Variants in ENY2 observed in about 807,000 individuals in gnomAD.
ENY2 encodes the protein ENY2 transcription and export complex 2 subunit.
A neutral mutation model predicts 15.9 loss-of-function variants in ENY2; 4 were observed. That is an observed-to-expected ratio of 0.25 (90% CI 0.12 to 0.57). ENY2 has a LOEUF of 0.57. Among genes scored for constraint, ENY2 ranks in the 20% least tolerant of loss-of-function variants. ENY2 has a pLI of 0.91. For missense variants in ENY2, 54 were observed against 117.2 expected (o/e 0.46, Z 2.49); for synonymous variants, 48 against 38.0 (o/e 1.26, Z -0.97).
Position 109,336,199 on chromosome 8 carries a change from A to G in ENY2, c.78A>G (p.Arg26=), listed in dbSNP as rs1425645647. Reference sequence around the variant, plus strand: ...AAAAGTTGATAGAAACTGGAGAAAGAGAACGGTAAGTAATAGATTGTGTTA... The same window carrying G: ...AAAAGTTGATAGAAACTGGAGAAAGGGAACGGTAAGTAATAGATTGTGTTA... ...INQKLIETGE[R]ERLKELLRAK... Residue 26 remains arginine (R), a synonymous_variant, in exon 2 of 5, where the codon AGA becomes AGG. Coordinates refer to ENST00000521688, the MANE Select transcript of ENY2 (RefSeq NM_020189.6). 6.2e-7 allele frequency: 1 copy of G among 1,612,124 alleles called. No individual in the cohort carries two copies. Among genetic ancestry groups the G allele is most frequent in the Non-Finnish European group, 8.5e-7 (1 of 1,178,564 alleles).
intron 4 of ENY2, chr8:109,342,775 A>G (rs1444766236): frequency 1.2e-5 from 8 of 694,656 alleles, no homozygotes; most frequent in Non-Finnish European, 2.1e-5. Context: ...GACTGCTGGG[A>G]TGACAGGCGT....
chr8:109,339,086 C>G, intron 2 of ENY2: 1 of 546,090 alleles, frequency 1.8e-6, no homozygotes, highest in South Asian at 2.4e-5. Context: ...TTAGCCCCTC[C>G]ACTTCATTTA....
At position 109,343,917 on chromosome 8, in the gene ENY2, C is replaced by CT. The variant is rs1475952173; in HGVS notation, c.*439dup. ...TTGTCTTATTCGTATTGTTTATAAA[C>CT]TTTGAGGGTTAGGACTGGGTCTTAC... is the stretch of plus-strand genomic sequence containing the variant. On this transcript the variant is annotated 3_prime_UTR_variant, in exon 5 of 5. Coordinates refer to ENST00000521688, the MANE Select transcript of ENY2 (RefSeq NM_020189.6). The CT allele has an allele frequency of 6.5e-6, 1 of 153,128 alleles. No homozygotes were observed. The highest frequency in any genetic ancestry group is 1.5e-5 in the Non-Finnish European group (1 of 68,780). 9.5% of individuals were successfully genotyped at this position (153,128 alleles called of 1,614,324 possible). A position where few individuals can be genotyped will look rare whatever the true frequency, so the allele number is the denominator to read the frequency against.
intron 2 of ENY2, among the ~76,000 whole-genome samples, chr8:109,337,856 G>A (rs1452594452): frequency 6.6e-6 from 1 of 151,754 alleles, no homozygotes; most frequent in Admixed American, 6.6e-5. Flanking sequence ...CTGAGATCGC[G>A]CCACTTCACT....
intron 4 of ENY2, 75 bp from the exon 5 acceptor site, chr8:109,343,330 C>A (rs1034047300): frequency 1.4e-5 from 17 of 1,205,494 alleles, no homozygotes; most frequent in East Asian, 4.8e-5. Flanking sequence ...TTACCCTGAG[C>A]AAAATGTCAG....
chr8:109,341,540 C>G (rs992201387), intron 4 of ENY2, among the ~76,000 whole-genome samples: 2 of 152,046 alleles, frequency 1.3e-5, no homozygotes, highest in Non-Finnish European at 2.9e-5. Flanking sequence ...CTGTGACTTA[C>G]ACTTATTCTG....
intron 3 of ENY2, among the ~76,000 whole-genome samples, chr8:109,339,977 A>G (rs958506693): frequency 2.0e-5 from 3 of 152,200 alleles, no homozygotes; most frequent in East Asian, 1.9e-4. Flanking sequence ...TAAGAAGGCA[A>G]TGTGACAAAT....
At position 109,345,142 on chromosome 8, in the gene ENY2, A is replaced by G. The variant is rs1190611117; in HGVS notation, c.*1661A>G. 4 of 152,180 alleles carry G rather than the reference A, an allele frequency of 2.6e-5. No individual in the cohort carries two copies. The highest frequency in any genetic ancestry group is 5.9e-5 in the Non-Finnish European group (4 of 68,040). 9.4% of individuals were successfully genotyped at this position (152,180 alleles called of 1,614,324 possible). A position where few individuals can be genotyped will look rare whatever the true frequency, so the allele number is the denominator to read the frequency against. ...GCTTTAGTTGCTAAAACATTCAGAC[A>G]TCCCTCTGACTTAGATCCCCCACTA... On this transcript the variant is annotated 3_prime_UTR_variant, in exon 5 of 5. Transcript: ENST00000521688.
At position 109,344,098 on chromosome 8, in the gene ENY2, A is replaced by C. The variant is rs1346475139; in HGVS notation, c.*617A>C. ...AATTGCAACCCCACATACTAAGGTC[A>C]AGAAAGAACTTAATGGGAATTAATC... On this transcript the variant is annotated 3_prime_UTR_variant, in exon 5 of 5. Transcript: ENST00000521688. 6.6e-6 allele frequency: 1 copy of C among 152,270 alleles called. No individual in the cohort carries two copies. Among genetic ancestry groups the C allele is most frequent in the Admixed American group, 6.5e-5 (1 of 15,288 alleles). The allele number at this position is 152,270 out of a possible 1,614,324, so 9.4% of individuals were successfully genotyped here. A position where few individuals can be genotyped will look rare whatever the true frequency, so the allele number is the denominator to read the frequency against.
chr8:109,340,667 C>T, intron 4 of ENY2, 104 bp downstream of exon 4: 1 of 1,426,242 alleles, frequency 7.0e-7, no homozygotes, highest in Admixed American at 2.1e-5. Context: ...AAAAGCACTA[C>T]CTGTGTTGCC....
intron 2 of ENY2, 48 bp from the exon 3 acceptor site, chr8:109,339,272 C>CT (rs1198082449): frequency 7.1e-6 from 11 of 1,559,178 alleles, no homozygotes; most frequent in Non-Finnish European, 9.7e-6. Flanking sequence ...ACATTCCTGT[C>CT]TAAGATGTTA....
chr8:109,340,348 G>A (rs911727122), intron 3 of ENY2, 141 bp from the exon 4 acceptor site: 2 of 1,239,424 alleles, frequency 1.6e-6, no homozygotes, highest in Non-Finnish European at 2.3e-6. Flanking sequence ...TGTTTGTAAG[G>A]TTGAACTAAA....
In ENY2 at chr8:109,336,020, A is replaced by T. The variant is rs2980571; in HGVS notation, c.7-108A>T. 175,902 of 912,392 alleles carry T rather than the reference A, an allele frequency of 0.19. 19,607 individuals carry two copies. Among genetic ancestry groups the T allele is most frequent in the East Asian group, 0.38 (14,359 of 37,846 alleles). The allele number at this position is 912,392 out of a possible 1,614,324, so 56.5% of individuals were successfully genotyped here. A position where few individuals can be genotyped will look rare whatever the true frequency, so the allele number is the denominator to read the frequency against. On this transcript the variant is annotated intron_variant, in intron 1 of 4. Transcript: ENST00000521688. ...ATTATTAACACACTTGAAATGTATC[A>T]CCCCTTCAGTTAATAGAATGGTAAA...
At chr8:109,341,340 G>T (rs1816108213) in intron 4 of ENY2, among the ~76,000 whole-genome samples, 4 of 151,936 alleles carry the variant, frequency 2.6e-5, no homozygotes, top group African/African-American at 9.7e-5. Flanking sequence ...ATGAATTTTT[G>T]AACTCCTCCC....
intron 2 of ENY2, chr8:109,338,969 C>A: frequency 5.0e-6 from 1 of 199,952 alleles, no homozygotes; most frequent in Non-Finnish European, 1.0e-5. Flanking sequence ...GCTCCAGGTT[C>A]AGTTAATACT....
intron 2 of ENY2, chr8:109,336,686 A>G (rs1586325542): frequency 6.5e-6 from 1 of 153,592 alleles, no homozygotes; most frequent in East Asian, 1.9e-4. Flanking sequence ...ACCTTGTTCC[A>G]TCATAGCATT....
intron 2 of ENY2, among the ~76,000 whole-genome samples, chr8:109,337,262 C>G (rs189433249): frequency 1.6e-3 from 247 of 152,006 alleles, no homozygotes; most frequent in African/African-American, 5.7e-3. Flanking sequence ...AATGTAGAAA[C>G]AGCAACCCTC....
At chr8:109,337,140 A>G (rs1816003424) in intron 2 of ENY2, among the ~76,000 whole-genome samples, 1 of 151,486 alleles carries the variant, frequency 6.6e-6, no homozygotes, top group African/African-American at 2.4e-5. Flanking sequence ...GTTGGTGTGG[A>G]GCTTGGACTT....
chr8:109,340,491 G>C lies in ENY2; in HGVS notation c.157G>C (p.Val53Leu), dbSNP rs767032513. ...TTTGTTTTTTGCTTTTGCATAAGAG[G>C]TAATTAAAGAAAAAGGACTAGAACA... is the stretch of plus-strand genomic sequence containing the variant. ...KDQLKAHCKE[V>L]IKEKGLEHVT... is the part of the protein sequence containing the mutation. Residue 53 changes from valine to leucine, a missense_variant and splice_region_variant, in exon 4 of 5, where the codon GTA (valine) becomes CTA (leucine). Transcript: ENST00000521688. 58 of 1,612,468 alleles carry C rather than the reference G, an allele frequency of 3.6e-5. No homozygotes were observed. Among genetic ancestry groups the C allele is most frequent in the Non-Finnish European group, 4.7e-5 (56 of 1,178,976 alleles).
Sources: allele counts gnomAD v4.1 joint callset (sites outside exome capture counted in the v4.1 genomes callset), GRCh38; gene constraint gnomAD v4.1.1; transcripts MANE v1.5; gene names NCBI Gene and HGNC (gene_info 2026-07-23, HGNC 2026-07-21).